NPHP1: variants seen among roughly 807,000 people sequenced by gnomAD.
NPHP1 encodes nephrocystin-1.
In NPHP1, 70 loss-of-function variants were observed where a neutral mutation model predicts 90.4. That is an observed-to-expected ratio of 0.77 (90% CI 0.64 to 0.95). The LOEUF is 0.95. Among genes scored for constraint, NPHP1 ranks in the 40% least tolerant of loss-of-function variants. The pLI, the probability that NPHP1 is intolerant of heterozygous loss-of-function variation, is 0.00. For missense variants in NPHP1, 764 were observed against 795.9 expected (o/e 0.96, Z 0.48); for synonymous variants, 256 against 271.7 (o/e 0.94, Z 0.57).
chr2:110,189,605 G>A (rs552902292), intron 2 of NPHP1, among the ~76,000 whole-genome samples: 9 of 152,238 alleles, frequency 5.9e-5, no homozygotes, highest in South Asian at 2.1e-4. Context: ...GGACCCAAGC[G>A]GGTTGCCATT....
At chr2:110,204,169 AC>A (rs1457158500) in intron 1 of NPHP1, among the ~76,000 whole-genome samples, 1 of 152,170 alleles carries the variant, frequency 6.6e-6, no homozygotes, top group Non-Finnish European at 1.5e-5. Flanking sequence ...CATATGTTAC[AC>A]CTTGTCAAGC....
Position 110,147,999 on chromosome 2 carries a change from C to G in NPHP1, c.1186G>C (p.Asp396His), listed in dbSNP as rs1285357819. 5 of 1,608,914 alleles carry G rather than the reference C, an allele frequency of 3.1e-6. No homozygotes were observed. In the African/African-American group the frequency reaches 6.7e-5, roughly 21 times the overall value. ...TTAGACCTGATAAAGCAATCACCAT[C>G]AAGCAAACATGGTAAGATGCGAGTA... ...QVTRILPCLLDGDCFIRSNSA... is the reference protein window; with the variant it reads ...QVTRILPCLLHGDCFIRSNSA... Residue 396 changes from aspartate (D) to histidine (H), a missense_variant, in exon 13 of 20, where the codon GAT (aspartate) becomes CAT (histidine). Asp to His is a moderately conservative substitution (Grantham distance 81). Transcript: ENST00000445609.
intron 9 of NPHP1, among the ~76,000 whole-genome samples, chr2:110,162,619 T>C (rs1682425531): frequency 6.6e-6 from 1 of 152,158 alleles, no homozygotes; most frequent in Non-Finnish European, 1.5e-5. Flanking sequence ...ATGGAGATAA[T>C]TCTTTGGAAA....
chr2:110,143,618 T>G lies in NPHP1; in HGVS notation c.1453A>C (p.Ile485Leu), dbSNP rs768448955. 6.2e-7 allele frequency: 1 copy of G among 1,613,432 alleles called. No homozygotes were observed. Among genetic ancestry groups the G allele is most frequent in the Non-Finnish European group, 8.5e-7 (1 of 1,179,386 alleles). Residue 485 changes from isoleucine (I) to leucine (L), a missense_variant, in exon 16 of 20, where the codon ATT becomes CTT. Coordinates refer to ENST00000445609, the MANE Select transcript of NPHP1 (RefSeq NM_001128178.3). ...RRAHGSVFYQIMTMRRQPQLL... is the reference protein window; with the variant it reads ...RRAHGSVFYQLMTMRRQPQLL... ...TGAGGCTGCCTTCTCATTGTCATAATCTGGTAGAAAACACTGCCGTGTGCT... is the reference window on the plus strand; with the variant it reads ...TGAGGCTGCCTTCTCATTGTCATAAGCTGGTAGAAAACACTGCCGTGTGCT...
At chr2:110,200,493 G>A (rs1685500961) in intron 2 of NPHP1, among the ~76,000 whole-genome samples, 1 of 151,828 alleles carries the variant, frequency 6.6e-6, no homozygotes, top group African/African-American at 2.4e-5. Context: ...AACCTGGGAG[G>A]TGCAGGTTGC....
At chr2:110,140,685 T>G (rs1379530026) in intron 16 of NPHP1, among the ~76,000 whole-genome samples, 2 of 151,932 alleles carry the variant, frequency 1.3e-5, no homozygotes, top group African/African-American at 4.8e-5. Context: ...AAGATTTGGG[T>G]TTTCTTTCAC....
chr2:110,197,949 C>T (rs1685282628), intron 2 of NPHP1, among the ~76,000 whole-genome samples: 1 of 151,954 alleles, frequency 6.6e-6, no homozygotes, highest in African/African-American at 2.4e-5. Flanking sequence ...TATTAAAATC[C>T]TCAAACAGTT....
intron 14 of NPHP1, among the ~76,000 whole-genome samples, chr2:110,145,844 G>A (rs935736280): frequency 6.6e-6 from 1 of 152,108 alleles, no homozygotes; most frequent in Non-Finnish European, 1.5e-5. Context: ...ACAATCACAA[G>A]AAACCTGGCA....
chr2:110,146,894 C>T (rs1033144981), intron 13 of NPHP1, 59 bp from the exon 14 acceptor site: 3 of 1,194,958 alleles, frequency 2.5e-6, no homozygotes, highest in Admixed American at 3.4e-5. Context: ...TTTATAAGCA[C>T]ATACCAAGTC....
chr2:110,186,298 G>A lies in NPHP1; in HGVS notation c.144-6614C>T, dbSNP rs59174376. On this transcript the variant is annotated intron_variant, in intron 2 of 19. Coordinates refer to ENST00000445609, the MANE Select transcript of NPHP1 (RefSeq NM_001128178.3). ...AGAGGCCCCTAAACAAGGAAGGGGT[G>A]TTGGAGAGCCAGTGTCCTTAGGACT... Among the ~76,000 whole-genome samples the A allele has an allele frequency of 9.1e-3, 1,385 of 152,302 alleles. 19 individuals are homozygous for A. Among genetic ancestry groups the A allele is most frequent in the African/African-American group, 0.032 (1,326 of 41,546 alleles).
chr2:110,138,252 C>A (rs1680361421), intron 16 of NPHP1, among the ~76,000 whole-genome samples: 1 of 151,932 alleles, frequency 6.6e-6, no homozygotes, highest in Non-Finnish European at 1.5e-5. Context: ...AGCACACCAA[C>A]ATGGCACATG....
chr2:110,168,994 T>C (rs981208652), intron 5 of NPHP1, among the ~76,000 whole-genome samples: 5 of 152,240 alleles, frequency 3.3e-5, no homozygotes, highest in Non-Finnish European at 5.9e-5. Flanking sequence ...GCAAAAATAG[T>C]ATTTACTGAA....
rs374135559 is a variant in NPHP1, at chr2:110,125,419, T to C, written c.1761+218A>G. 4.4e-5 allele frequency: 55 copies of C among 1,258,122 alleles called. No individual in the cohort carries two copies. In the East Asian group the frequency reaches 5.4e-4, roughly 12 times the overall value. 77.9% of individuals were successfully genotyped at this position (1,258,122 alleles called of 1,614,324 possible). ...TTTATTTAAATAAAACTCAGTAATCTGAAATGGCTGTCTTGAACAAGTATT... is the reference window on the plus strand; with the variant it reads ...TTTATTTAAATAAAACTCAGTAATCCGAAATGGCTGTCTTGAACAAGTATT... On this transcript the variant is annotated intron_variant, in intron 19 of 19. Transcript: ENST00000445609.
At chr2:110,130,970 T>C (rs1679733804) in intron 17 of NPHP1, among the ~76,000 whole-genome samples, 1 of 152,176 alleles carries the variant, frequency 6.6e-6, no homozygotes, top group African/African-American at 2.4e-5. Flanking sequence ...TATGCCTGTC[T>C]CATTCATCAC....
In NPHP1 at chr2:110,169,883, G is replaced by A. The variant is rs1682994810; in HGVS notation, c.445C>T (p.His149Tyr). Residue 149 changes from histidine to tyrosine, a missense_variant, in exon 5 of 20, where the codon CAC becomes TAC. His to Tyr is a moderately conservative substitution (Grantham distance 83). Coordinates refer to ENST00000445609, the MANE Select transcript of NPHP1 (RefSeq NM_001128178.3). ...TATTCTTCACCGGTTGACCATTTGT[G>A]AGATTCATTTTCCTCTTTCTCTTCC... ...EEEEKEENES[H>Y]KWSTGEEYIA... 6.2e-7 allele frequency: 1 copy of A among 1,613,408 alleles called. No homozygotes were observed. Among genetic ancestry groups the A allele is most frequent in the Non-Finnish European group, 8.5e-7 (1 of 1,179,506 alleles).
Position 110,204,963 on chromosome 2 carries a change from C to G in NPHP1, c.6G>C (p.Leu2=), listed in dbSNP as rs1217380152. Residue 2 remains leucine, a synonymous_variant, in exon 1 of 20, where the codon CTG becomes CTC. Coordinates refer to ENST00000445609, the MANE Select transcript of NPHP1 (RefSeq NM_001128178.3). ...GGAGAGGATCTCGCTGTCGTCTCGC[C>G]AGCATCTCCCTGGCTGCGGTGCTCT... M[L]ARRQRDPLQA... is the part of the protein sequence containing the mutation. 4 of 1,613,886 alleles carry G rather than the reference C, an allele frequency of 2.5e-6. No individual in the cohort carries two copies. Among genetic ancestry groups the G allele is most frequent in the Non-Finnish European group, 3.4e-6 (4 of 1,179,936 alleles).
At chr2:110,125,969 T>G in intron 18 of NPHP1, 1 of 460,832 alleles carries the variant, frequency 2.2e-6, no homozygotes, top group South Asian at 2.3e-5. Context: ...ATGAAAACTA[T>G]ACAACCACAG....
intron 2 of NPHP1, among the ~76,000 whole-genome samples, chr2:110,191,447 G>T (rs1321889022): frequency 6.6e-6 from 1 of 152,222 alleles, no homozygotes; most frequent in Non-Finnish European, 1.5e-5. Flanking sequence ...CAAACTGCAA[G>T]GCAGCAGCGA....
chr2:110,164,507 T>G, intron 8 of NPHP1, 181 bp downstream of exon 8: 6 of 1,206,276 alleles, frequency 5.0e-6, no homozygotes, highest in Non-Finnish European at 7.2e-6. Flanking sequence ...AAAAAACTAA[T>G]GAGAAATGTT....
Sources: allele counts gnomAD v4.1 joint callset (sites outside exome capture counted in the v4.1 genomes callset), GRCh38; gene constraint gnomAD v4.1.1; transcripts MANE v1.5; gene names NCBI Gene and HGNC (gene_info 2026-07-23, HGNC 2026-07-21).